ARHGEF9: variants seen among roughly 807,000 people sequenced by gnomAD.
ARHGEF9 encodes the protein rho guanine nucleotide exchange factor 9.
In ARHGEF9, 2 loss-of-function variants were observed where a neutral mutation model predicts 41.3. That is an observed-to-expected ratio of 0.05 (90% CI 0.02 to 0.15). The LOEUF is 0.15. ARHGEF9 is among the 10% of genes least tolerant of loss of function. The pLI is 1.00. For missense variants in ARHGEF9, 225 were observed against 424.7 expected, an observed-to-expected ratio of 0.53 and a Z score of 4.13; for synonymous variants, 160 against 154.4, an observed-to-expected ratio of 1.04 and a Z score of -0.27.
chrX:63,687,139 G>C (rs1331064703), intron 4 of ARHGEF9, among the ~76,000 whole-genome samples: 1 of 111,511 alleles, frequency 9.0e-6, no homozygotes, highest in Non-Finnish European at 1.9e-5. Context: ...AATCAGAAAG[G>C]CTGTTTAACA....
At position 63,692,069 on chromosome X, in the gene ARHGEF9, C is replaced by T. The variant is rs1165406726; in HGVS notation, c.582+5056G>A. ...AAAAAATAAAATCAAAATAGATGAA[C>T]GACTTAAACGTAAGACTTGAAACTA... On this transcript the variant is annotated intron_variant, in intron 4 of 9. Coordinates refer to ENST00000671741, the MANE Select transcript of ARHGEF9 (RefSeq NM_001353921.2). 8.1e-5 allele frequency among the ~76,000 whole-genome samples: 9 copies of T among 111,705 alleles called. No homozygotes were observed. In the South Asian group the frequency reaches 1.1e-3, roughly 14 times the overall value.
chrX:63,717,157 AAAG>A (rs2053357881), intron 2 of ARHGEF9, among the ~76,000 whole-genome samples: 2 of 112,079 alleles, frequency 1.8e-5, no homozygotes, highest in South Asian at 7.4e-4. Flanking sequence ...TATATTTTAA[AAAG>A]AAGTTTTTCA....
intron 1 of ARHGEF9, chrX:63,743,361 G>C (rs2055079113): frequency 8.9e-6 from 1 of 112,698 alleles, no homozygotes; most frequent in African/African-American, 3.2e-5. Context: ...TTAAGATGCA[G>C]TACTGACCTG....
chrX:63,785,142 G>T lies in ARHGEF9; in HGVS notation c.4C>A (p.Gln2Lys), dbSNP rs397514460. The T allele has an allele frequency of 2.6e-6, 3 of 1,163,451 alleles. No individual in the cohort carries two copies. The highest frequency in any genetic ancestry group is 2.3e-6 in the Non-Finnish European group (2 of 871,548). ...ATTCCCGATCCGCCCCTTATCCACT[G>T]CATGGTGCTTGCGAAGTCCGGCTTC... M[Q>K]WIRGGSGMLI... is the part of the protein sequence containing the mutation. The change falls in exon 1 of 10, where the codon CAG becomes AAG. Residue 2 changes from glutamine (Q) to lysine (K), a missense_variant. By Grantham distance (53) the Gln-to-Lys change is moderately conservative. Around this residue, in one of 3 missense-constraint regions of ARHGEF9, gnomAD observed 114 missense variants for 197.9 expected, o/e 0.58. Coordinates refer to ENST00000671741, the MANE Select transcript of ARHGEF9 (RefSeq NM_001353921.2).
chrX:63,666,404 A>T (rs2049554178), intron 6 of ARHGEF9, among the ~76,000 whole-genome samples: 1 of 95,892 alleles, frequency 1.0e-5, no homozygotes, highest in African/African-American at 3.9e-5. Context: ...GATTTTCTTT[A>T]TATATATATA....
chrX:63,722,416 T>TG (rs782055303), intron 2 of ARHGEF9, among the ~76,000 whole-genome samples: 13 of 108,365 alleles, frequency 1.2e-4, no homozygotes, highest in South Asian at 4.2e-4. Context: ...TTTTGTTTTT[T>TG]TTTTTTTTTT....
At position 63,767,044 on chromosome X, in the gene ARHGEF9, T is replaced by A. The variant is rs782178391; in HGVS notation, c.30+18072A>T. 8.3e-6 allele frequency: 8 copies of A among 961,128 alleles called. No individual in the cohort carries two copies. The Admixed American group carries it at 1.1e-4, about 14-fold the overall frequency. The allele number at this position is 961,128 out of a possible 1,213,427, so 79.2% of individuals were successfully genotyped here. Reference sequence around the variant, plus strand: ...GTCTCTGGTATTGAAGAGGTGAATATGTTTACAAACCAAGGAACAGTGATC... The same window carrying A: ...GTCTCTGGTATTGAAGAGGTGAATAAGTTTACAAACCAAGGAACAGTGATC... On this transcript the variant is annotated intron_variant, in intron 1 of 9. Transcript: ENST00000671741.
At chrX:63,700,083 C>G (rs2052047356) in intron 3 of ARHGEF9, among the ~76,000 whole-genome samples, 1 of 111,607 alleles carries the variant, frequency 9.0e-6, no homozygotes, top group South Asian at 3.7e-4. Flanking sequence ...AAGAAGGCTG[C>G]CTGGAATGAA....
At chrX:63,748,756 T>TA (rs1287509573) in intron 1 of ARHGEF9, among the ~76,000 whole-genome samples, 2 of 111,542 alleles carry the variant, frequency 1.8e-5, no homozygotes, top group Non-Finnish European at 3.8e-5. Flanking sequence ...CATGGGTATT[T>TA]AAAAAAAAGC....
At chrX:63,676,244 T>C (rs1215614679) in intron 5 of ARHGEF9, among the ~76,000 whole-genome samples, 1 of 112,382 alleles carries the variant, frequency 8.9e-6, no homozygotes, top group Non-Finnish European at 1.9e-5. Context: ...TTCACTATAC[T>C]TCCTAACCAG....
At chrX:63,765,542 G>T (rs189530058) in intron 1 of ARHGEF9, among the ~76,000 whole-genome samples, 5 of 111,174 alleles carry the variant, frequency 4.5e-5, no homozygotes, top group African/African-American at 1.3e-4. Flanking sequence ...AGCCCAAGGA[G>T]ACTGGAAAGG....
intron 1 of ARHGEF9, among the ~76,000 whole-genome samples, chrX:63,775,351 A>G (rs782517967): frequency 8.9e-6 from 1 of 112,701 alleles, no homozygotes; most frequent in South Asian, 3.6e-4. Flanking sequence ...AATATAAATC[A>G]TTCTACCATA....
chrX:63,722,491 C>T (rs1602566346), intron 2 of ARHGEF9, among the ~76,000 whole-genome samples: 1 of 105,676 alleles, frequency 9.5e-6, no homozygotes. Context: ...ACTCTGGCTG[C>T]TGGGGCTTTG....
chrX:63,760,714 G>A (rs566043328), intron 1 of ARHGEF9, among the ~76,000 whole-genome samples: 3 of 111,759 alleles, frequency 2.7e-5, no homozygotes, highest in Non-Finnish European at 3.8e-5. Context: ...GGGGGAGGAG[G>A]AGAAGGAAAC....
rs781803216 is a variant in ARHGEF9, at chrX:63,726,495, T to C, written c.31-1784A>G. On this transcript the variant is annotated intron_variant, in intron 1 of 9. Coordinates refer to ENST00000671741, the MANE Select transcript of ARHGEF9 (RefSeq NM_001353921.2). ...CTGGGACTACAGGCGCACGCCACCATGCCCAGCTAATTTTTGTATTTTTAG... is the reference window on the plus strand; with the variant it reads ...CTGGGACTACAGGCGCACGCCACCACGCCCAGCTAATTTTTGTATTTTTAG... Among the ~76,000 whole-genome samples, 8 of 111,449 alleles carry C rather than the reference T, an allele frequency of 7.2e-5. No individual in the cohort carries two copies. In the East Asian group the frequency reaches 2.3e-3, roughly 32 times the overall value.
intron 1 of ARHGEF9, among the ~76,000 whole-genome samples, chrX:63,774,045 A>ATATCTATC (rs3051724): frequency 5.0e-5 from 5 of 99,044 alleles, no homozygotes; most frequent in South Asian, 5.0e-4. Flanking sequence ...ATCCATTATA[A>ATATCTATC]TATCTATCTA....
chrX:63,757,294 G>A (rs1382532983), intron 1 of ARHGEF9, among the ~76,000 whole-genome samples: 1 of 111,848 alleles, frequency 8.9e-6, no homozygotes, highest in East Asian at 2.8e-4. Flanking sequence ...AACAGACATA[G>A]GACCTTGCTT....
intron 1 of ARHGEF9, among the ~76,000 whole-genome samples, chrX:63,758,945 C>A (rs1457656396): frequency 8.9e-6 from 1 of 111,788 alleles, no homozygotes; most frequent in South Asian, 3.8e-4. Context: ...TGCTTCATAA[C>A]AAACACCTAT....
In ARHGEF9 at chrX:63,760,955, T is replaced by C. The variant is rs373681117; in HGVS notation, c.30+24161A>G. On this transcript the variant is annotated intron_variant, in intron 1 of 9. Coordinates refer to ENST00000671741, the MANE Select transcript of ARHGEF9 (RefSeq NM_001353921.2). ...CCACTCTTCCAAAGCAGTTTGTAAG[T>C]GTTAACTATCATTATCATAATCTAT... Among the ~76,000 whole-genome samples the C allele has an allele frequency of 1.6e-4, 18 of 111,890 alleles. No individual in the cohort carries two copies. In the East Asian group the frequency reaches 5.1e-3, roughly 32 times the overall value.
Sources: gnomAD v4.1 joint callset for allele counts (sites outside exome capture counted in the v4.1 genomes callset) on GRCh38, gnomAD v4.1.1 for gene constraint, gnomAD v4.1.1 regional missense constraint, MANE v1.5 for transcripts, NCBI Gene and HGNC (gene_info 2026-07-23, HGNC 2026-07-21) for gene names.